SLC44A5: variants seen among roughly 807,000 people sequenced by gnomAD.
The protein encoded by SLC44A5 is choline transporter-like protein 5.
SLC44A5 carries 57 observed loss-of-function variants against 101.8 expected under a neutral mutation model. The ratio of observed to expected loss-of-function variants is 0.56; its 90% confidence interval spans 0.45 to 0.70. The LOEUF is 0.70. Among genes scored for constraint, SLC44A5 ranks in the 30% least tolerant of loss-of-function variants. The probability of loss-of-function intolerance (pLI) is 0.00; values close to 1 mark genes in which losing one functional copy is unlikely to be tolerated. For synonymous variants in SLC44A5, 281 were observed against 290.9 expected (o/e 0.97, Z 0.35); for missense variants, 737 against 853.1 (o/e 0.86, Z 1.70).
At chr1:75,571,861 T>C (rs543726206) in intron 1 of SLC44A5, among the ~76,000 whole-genome samples, 3 of 152,126 alleles carry the variant, frequency 2.0e-5, no homozygotes, top group African/African-American at 4.8e-5. Flanking sequence ...AAAACAAAGA[T>C]AAAGAAAAGA....
intron 7 of SLC44A5, among the ~76,000 whole-genome samples, chr1:75,244,608 A>G (rs773538342): frequency 6.6e-6 from 1 of 152,028 alleles, no homozygotes; most frequent in Non-Finnish European, 1.5e-5. Flanking sequence ...TCTTTTACCA[A>G]TACCATCTAA....
intron 2 of SLC44A5, among the ~76,000 whole-genome samples, chr1:75,473,872 G>T (rs1289757186): frequency 6.6e-6 from 1 of 152,032 alleles, no homozygotes; most frequent in Non-Finnish European, 1.5e-5. Flanking sequence ...AGTATATTTA[G>T]TACTAAGTAA....
At chr1:75,328,857 GA>G (rs1262732626) in intron 4 of SLC44A5, among the ~76,000 whole-genome samples, 2 of 152,168 alleles carry the variant, frequency 1.3e-5, no homozygotes, top group African/African-American at 4.8e-5. Context: ...TGATCCGCAT[GA>G]AAAAGCTCCA....
intron 2 of SLC44A5, among the ~76,000 whole-genome samples, chr1:75,534,759 G>A (rs1557882275): frequency 6.6e-6 from 1 of 152,162 alleles, no homozygotes; most frequent in African/African-American, 2.4e-5. Flanking sequence ...GTTTATTAAT[G>A]GCAAAGCATT....
At chr1:75,240,897 C>A (rs1334158833) in intron 9 of SLC44A5, among the ~76,000 whole-genome samples, 1 of 151,906 alleles carries the variant, frequency 6.6e-6, no homozygotes, top group East Asian at 1.9e-4. Flanking sequence ...CAATCTTTTT[C>A]TTTGAAGAGG....
intron 3 of SLC44A5, among the ~76,000 whole-genome samples, chr1:75,387,661 C>T (rs1457303058): frequency 6.7e-4 from 64 of 96,090 alleles, no homozygotes; most frequent in Admixed American, 1.1e-3. Flanking sequence ...GGCGATTCCT[C>T]GGGGATCTAG....
intron 2 of SLC44A5, among the ~76,000 whole-genome samples, chr1:75,403,791 C>T (rs960926520): frequency 6.6e-6 from 1 of 152,060 alleles, no homozygotes; most frequent in Non-Finnish European, 1.5e-5. Flanking sequence ...TGCCTCTTCT[C>T]CTCCACAGGA....
At chr1:75,528,750 T>A (rs1189686393) in intron 2 of SLC44A5, among the ~76,000 whole-genome samples, 1 of 152,164 alleles carries the variant, frequency 6.6e-6, no homozygotes, top group Non-Finnish European at 1.5e-5. Context: ...CCTATTTACT[T>A]TTCTTTCTTC....
At chr1:75,369,312 C>T (rs1283576587) in intron 3 of SLC44A5, among the ~76,000 whole-genome samples, 1 of 152,156 alleles carries the variant, frequency 6.6e-6, no homozygotes, top group Non-Finnish European at 1.5e-5. Flanking sequence ...GCCACTGCTC[C>T]TGGCTTCTTC....
chr1:75,292,355 A>G (rs1653626338), intron 5 of SLC44A5, among the ~76,000 whole-genome samples: 1 of 152,164 alleles, frequency 6.6e-6, no homozygotes, highest in Non-Finnish European at 1.5e-5. Context: ...AAAATGTTAC[A>G]TGTAATACTC....
chr1:75,521,086 C>T (rs542623807), intron 2 of SLC44A5, among the ~76,000 whole-genome samples: 40 of 152,042 alleles, frequency 2.6e-4, no homozygotes, highest in Non-Finnish European at 5.4e-4. Context: ...GATGTACATA[C>T]AGCAATAAAC....
intron 1 of SLC44A5, among the ~76,000 whole-genome samples, chr1:75,564,603 TTTTA>T (rs10526449): frequency 3.6e-5 from 5 of 138,042 alleles, no homozygotes; most frequent in Admixed American, 1.5e-4. Flanking sequence ...TTTTTTTAAT[TTTTA>T]TTTATTTATT....
chr1:75,365,412 A>G (rs1659786451), intron 3 of SLC44A5, among the ~76,000 whole-genome samples: 1 of 152,208 alleles, frequency 6.6e-6, no homozygotes, highest in Non-Finnish European at 1.5e-5. Flanking sequence ...ATAAATAAGA[A>G]CACATGGTAT....
chr1:75,382,491 TGTG>T (rs1660981343), intron 3 of SLC44A5, among the ~76,000 whole-genome samples: 1 of 69,410 alleles, frequency 1.4e-5, no homozygotes, highest in Non-Finnish European at 2.4e-5. Flanking sequence ...AAGGGGGAAA[TGTG>T]GGGAAAAGCA....
chr1:75,448,092 T>C (rs953486301), intron 2 of SLC44A5, among the ~76,000 whole-genome samples: 12 of 152,214 alleles, frequency 7.9e-5, no homozygotes, highest in African/African-American at 2.9e-4. Flanking sequence ...GGCATCACCA[T>C]TTATCCAGTT....
chr1:75,524,526 T>C (rs1456818308), intron 2 of SLC44A5, among the ~76,000 whole-genome samples: 2 of 152,170 alleles, frequency 1.3e-5, no homozygotes, highest in South Asian at 2.1e-4. Context: ...AAGGTAACCA[T>C]ACAATTTGTT....
At chr1:75,263,009 C>T (rs1388387128) in intron 6 of SLC44A5, among the ~76,000 whole-genome samples, 1 of 152,148 alleles carries the variant, frequency 6.6e-6, no homozygotes, top group Admixed American at 6.5e-5. Flanking sequence ...AAAAATAAGA[C>T]CTTAAACCAT....
At chr1:75,344,882 G>A (rs72984855) in intron 3 of SLC44A5, among the ~76,000 whole-genome samples, 3,398 of 152,112 alleles carry the variant, frequency 0.022, 122 homozygotes, top group African/African-American at 0.079. Context: ...AATACACATG[G>A]CTATTTATCC....
the SLC44A5 span, among the ~76,000 whole-genome samples, chr1:75,635,737 G>A: frequency 4.6e-5 from 7 of 151,398 alleles, no homozygotes; most frequent in Non-Finnish European, 1.0e-4. Flanking sequence ...CATCACACCA[G>A]CATGGCACAT....
Sources: gnomAD v4.1 joint callset for allele counts (sites outside exome capture counted in the v4.1 genomes callset) on GRCh38, gnomAD v4.1.1 for gene constraint, MANE v1.5 for transcripts, NCBI Gene and HGNC (gene_info 2026-07-23, HGNC 2026-07-21) for gene names.